Variants in PKNOX2 observed in about 807,000 individuals in gnomAD.
PKNOX2 encodes homeobox protein PKNOX2.
A neutral mutation model predicts 53.1 loss-of-function variants in PKNOX2; 14 were observed. The observed-to-expected ratio is 0.26, with a 90% CI of 0.17 to 0.41. The LOEUF is 0.41. Ranked by LOEUF, PKNOX2 falls within the 10% of genes least tolerant of loss-of-function variation. The pLI is 1.00. For missense variants in PKNOX2, 496 were observed against 602.8 expected, an observed-to-expected ratio of 0.82 and a Z score of 1.85; for synonymous variants, 257 against 242.8, an observed-to-expected ratio of 1.06 and a Z score of -0.54.
chr11:125,252,340 A>G (rs1252024352), intron 2 of PKNOX2, among the ~76,000 whole-genome samples: 1 of 152,164 alleles, frequency 6.6e-6, no homozygotes, highest in African/African-American at 2.4e-5. Context: ...AAGGACGTGG[A>G]AGAGTTTTAA....
intron 5 of PKNOX2, among the ~76,000 whole-genome samples, chr11:125,373,257 A>G (rs1481278603): frequency 1.3e-5 from 2 of 152,254 alleles, no homozygotes; most frequent in Non-Finnish European, 2.9e-5. Context: ...ATACAATAAG[A>G]TAATAAATGG....
intron 6 of PKNOX2, among the ~76,000 whole-genome samples, chr11:125,388,370 C>T (rs114496245): frequency 9.4e-4 from 143 of 152,248 alleles, no homozygotes; most frequent in South Asian, 5.0e-3. Flanking sequence ...CGTAGCCCAA[C>T]GGACTGTAAC....
At chr11:125,356,219 A>T (rs1951606704) in intron 4 of PKNOX2, among the ~76,000 whole-genome samples, 1 of 152,186 alleles carries the variant, frequency 6.6e-6, no homozygotes, top group Non-Finnish European at 1.5e-5. Flanking sequence ...GAAAGCAGAA[A>T]TCCTGGTAGA....
At chr11:125,170,035 A>T (rs1000383428) in intron 1 of PKNOX2, among the ~76,000 whole-genome samples, 5 of 152,212 alleles carry the variant, frequency 3.3e-5, no homozygotes, top group African/African-American at 4.8e-5. Context: ...TTCCACTGGG[A>T]AGGCAAGGCC....
chr11:125,385,020 C>T (rs1192889680), intron 5 of PKNOX2, among the ~76,000 whole-genome samples: 1 of 152,190 alleles, frequency 6.6e-6, no homozygotes, highest in Non-Finnish European at 1.5e-5. Flanking sequence ...CAGGTGGACA[C>T]ATCTGCCCAC....
intron 4 of PKNOX2, among the ~76,000 whole-genome samples, chr11:125,363,319 G>A (rs1952020607): frequency 6.6e-6 from 1 of 152,234 alleles, no homozygotes; most frequent in South Asian, 2.1e-4. Flanking sequence ...AGTAGCCATT[G>A]TCTGGTTCTC....
intron 2 of PKNOX2, among the ~76,000 whole-genome samples, chr11:125,280,882 G>A (rs999922214): frequency 9.2e-5 from 14 of 152,158 alleles, no homozygotes; most frequent in Non-Finnish European, 1.6e-4. Context: ...ATGTCTGCCC[G>A]CTTCCCACTC....
chr11:125,386,581 C>T, intron 6 of PKNOX2, among the ~76,000 whole-genome samples: 1 of 152,130 alleles, frequency 6.6e-6, no homozygotes, highest in East Asian at 1.9e-4. Context: ...TTTAGAAACT[C>T]TGTAAAAATT....
rs192686215 is a variant in PKNOX2, at chr11:125,267,532, G to A, written c.-130+32417G>A. On this transcript the variant is annotated intron_variant, in intron 2 of 12. Coordinates refer to ENST00000298282, the MANE Select transcript of PKNOX2 (RefSeq NM_001382323.2). ...ATTCTGCTCTCCAGGCCTTAAGCTG[G>A]GGTGCTTTCTAGCTCCGCTCTTCTC... 4.7e-3 allele frequency among the ~76,000 whole-genome samples: 716 copies of A among 152,326 alleles called. 6 individuals are homozygous for A. The highest frequency in any genetic ancestry group is 7.5e-3 in the Non-Finnish European group (511 of 68,024).
chr11:125,294,746 A>T (rs993123766), intron 2 of PKNOX2, among the ~76,000 whole-genome samples: 11 of 152,240 alleles, frequency 7.2e-5, no homozygotes, highest in Non-Finnish European at 1.5e-4. Context: ...CCACTTCTTC[A>T]TCTGCAATAC....
chr11:125,262,223 G>C (rs1944910043), intron 2 of PKNOX2, among the ~76,000 whole-genome samples: 1 of 152,120 alleles, frequency 6.6e-6, no homozygotes, highest in Non-Finnish European at 1.5e-5. Context: ...CGGCGGTGGG[G>C]GGGTGGTTCT....
rs532457366 is a variant in PKNOX2 at position 125,370,657 on chromosome 11, G to A, written c.227+2672G>A. On this transcript the variant is annotated intron_variant, in intron 5 of 12. Coordinates refer to ENST00000298282, the MANE Select transcript of PKNOX2 (RefSeq NM_001382323.2). The surrounding 1 kb of genome is among the most constrained non-coding windows in gnomAD (Gnocchi z 4.1). ...TAGTCCTGCTGCTGCCTCCTGGCCC[G>A]GCAGCCCCAGGGTTGTCTCCTACAA... is the stretch of plus-strand genomic sequence containing the variant. 8.5e-4 allele frequency among the ~76,000 whole-genome samples: 130 copies of A among 152,320 alleles called. No individual in the cohort carries two copies. The highest frequency in any genetic ancestry group is 2.3e-3 in the South Asian group (11 of 4,824).
intron 1 of PKNOX2, among the ~76,000 whole-genome samples, chr11:125,215,973 G>A (rs560265010): frequency 5.5e-4 from 84 of 152,232 alleles, no homozygotes; most frequent in Non-Finnish European, 8.2e-4. Flanking sequence ...GTTAAAGAAG[G>A]GCCTTGCAGT....
chr11:125,236,700 AAATGACCTT>A (rs1469734299), intron 2 of PKNOX2, among the ~76,000 whole-genome samples: 1 of 152,164 alleles, frequency 6.6e-6, no homozygotes, highest in Non-Finnish European at 1.5e-5. Flanking sequence ...GGAAAGATTC[AAATGACCTT>A]TCAGGGAGTG....
chr11:125,279,345 A>G (rs1946395918), intron 2 of PKNOX2, among the ~76,000 whole-genome samples: 1 of 152,226 alleles, frequency 6.6e-6, no homozygotes, highest in African/African-American at 2.4e-5. Context: ...CCCTGCTTCC[A>G]TGAAGCTCAA....
chr11:125,224,315 T>C (rs148756115), intron 1 of PKNOX2, among the ~76,000 whole-genome samples: 17 of 152,256 alleles, frequency 1.1e-4, no homozygotes, highest in African/African-American at 4.1e-4. Context: ...AGGAGAGAGA[T>C]TGTTCAGGGT....
At chr11:125,232,668 C>A (rs1017386617) in intron 1 of PKNOX2, among the ~76,000 whole-genome samples, 2 of 152,174 alleles carry the variant, frequency 1.3e-5, no homozygotes, top group East Asian at 3.9e-4. Flanking sequence ...ACATATAGAA[C>A]TAATACAAAC....
chr11:125,372,793 C>T (rs1952627437), intron 5 of PKNOX2, among the ~76,000 whole-genome samples: 2 of 152,242 alleles, frequency 1.3e-5, no homozygotes, highest in South Asian at 4.1e-4. Context: ...GCACTTTCCA[C>T]ACCATGTGTC....
intron 5 of PKNOX2, among the ~76,000 whole-genome samples, chr11:125,379,071 T>A (rs12793624): frequency 6.7e-5 from 7 of 105,020 alleles, no homozygotes; most frequent in Admixed American, 9.7e-5. Context: ...TTTTTTTTTT[T>A]ATTTTTTGAG....
Sources: allele counts gnomAD v4.1 joint callset (sites outside exome capture counted in the v4.1 genomes callset), GRCh38; gene constraint gnomAD v4.1.1; non-coding constraint Gnocchi (gnomAD v3.1); transcripts MANE v1.5; gene names NCBI Gene and HGNC (gene_info 2026-07-23, HGNC 2026-07-21).